The following CPPED1 variants were observed in gnomAD, a reference collection of about 807,000 sequenced individuals.
The protein encoded by CPPED1 is serine/threonine-protein phosphatase CPPED1.
A neutral mutation model predicts 28.0 loss-of-function variants in CPPED1; 28 were observed. That is an observed-to-expected ratio of 1.00 (90% confidence interval 0.74 to 1.37). The LOEUF (loss-of-function observed/expected upper bound fraction) is 1.37, where lower values mean the gene tolerates loss of function less well. Ranked by LOEUF, CPPED1 falls within the 40% of genes most tolerant of loss-of-function variation. The pLI, the probability that CPPED1 is intolerant of heterozygous loss-of-function variation, is 0.00. For missense variants in CPPED1, 504 were observed against 416.5 expected (o/e 1.21, Z -1.83); for synonymous variants, 198 against 180.2 (o/e 1.10, Z -0.79).
chr16:12,762,218 A>T (rs1381330223), intron 2 of CPPED1, among the ~76,000 whole-genome samples: 2 of 152,204 alleles, frequency 1.3e-5, no homozygotes, highest in African/African-American at 4.8e-5. Flanking sequence ...CACATTAAAA[A>T]TACTCTCTCA....
intron 2 of CPPED1, among the ~76,000 whole-genome samples, chr16:12,723,507 A>C (rs2080153278): frequency 6.6e-6 from 1 of 152,192 alleles, no homozygotes; most frequent in Non-Finnish European, 1.5e-5. Flanking sequence ...GCAGAGAGGA[A>C]GACCATGTGA....
chr16:12,803,375 A>G, intron 1 of CPPED1, among the ~76,000 whole-genome samples: 1 of 152,240 alleles, frequency 6.6e-6, no homozygotes, highest in South Asian at 2.1e-4. Flanking sequence ...TGAGGCCAAG[A>G]TGCTAATGCA....
rs1017286367 is a variant in CPPED1, at chr16:12,662,202, T to C, written c.*2684A>G. 2.0e-5 allele frequency: 3 copies of C among 152,198 alleles called. No homozygotes were observed. Among genetic ancestry groups the C allele is most frequent in the African/African-American group, 7.2e-5 (3 of 41,458 alleles). 9.4% of individuals were successfully genotyped at this position (152,198 alleles called of 1,614,324 possible). On this transcript the variant is annotated 3_prime_UTR_variant, in exon 4 of 4. Coordinates refer to ENST00000381774, the MANE Select transcript of CPPED1 (RefSeq NM_018340.3). Reference sequence around the variant, plus strand: ...AGTATAAGGCACTTATTTTTTGATATCATTCTCTTTTTTTAAAGGCAAAGG... The same window carrying C: ...AGTATAAGGCACTTATTTTTTGATACCATTCTCTTTTTTTAAAGGCAAAGG...
intron 2 of CPPED1, among the ~76,000 whole-genome samples, chr16:12,755,061 C>A (rs1164678118): frequency 6.6e-6 from 1 of 152,096 alleles, no homozygotes; most frequent in Non-Finnish European, 1.5e-5. Flanking sequence ...TGGAAAACAT[C>A]TGCTCCCAGG....
At chr16:12,786,932 G>T (rs1037722196) in intron 1 of CPPED1, among the ~76,000 whole-genome samples, 1 of 152,020 alleles carries the variant, frequency 6.6e-6, no homozygotes, top group Non-Finnish European at 1.5e-5. Context: ...AGTTAATCAG[G>T]GAATCCATTA....
At chr16:12,772,051 A>G (rs1414704618) in intron 2 of CPPED1, among the ~76,000 whole-genome samples, 1 of 152,106 alleles carries the variant, frequency 6.6e-6, no homozygotes, top group Non-Finnish European at 1.5e-5. Context: ...TGAACCCGGG[A>G]GGCGGAGGTT....
rs538448682 is a variant in CPPED1 at position 12,665,075 on chromosome 16, G to A, written c.756C>T (p.Ala252=). 3.1e-5 allele frequency: 49 copies of A among 1,606,334 alleles called. No homozygotes were observed. Among genetic ancestry groups the A allele is most frequent in the Middle Eastern group, 3.3e-4 (2 of 6,018 alleles). Residue 252 remains alanine (A), a synonymous_variant, in exon 4 of 4, where the codon GCC becomes GCT. Transcript: ENST00000381774. ...VVFSGHYHRN[A]GGTYQNLDMV... ...TGTCGAGGTTCTGGTAGGTACCCCC[G>A]GCATTCCTGTGGTAGTGGCCTGAGA...
At chr16:12,716,418 A>G (rs56085920) in intron 2 of CPPED1, among the ~76,000 whole-genome samples, 77,896 of 152,126 alleles carry the variant, frequency 0.51, 20,446 homozygotes, top group Admixed American at 0.61. Flanking sequence ...CAGATTCACT[A>G]CTGCCAAGTC....
chr16:12,739,700 G>A (rs2080244386), intron 2 of CPPED1, among the ~76,000 whole-genome samples: 1 of 152,144 alleles, frequency 6.6e-6, no homozygotes, highest in Non-Finnish European at 1.5e-5. Flanking sequence ...CTCTAGTATA[G>A]AGGATGCCAA....
chr16:12,797,918 A>G (rs2080637249), intron 1 of CPPED1, among the ~76,000 whole-genome samples: 2 of 151,816 alleles, frequency 1.3e-5, no homozygotes, highest in African/African-American at 4.8e-5. Flanking sequence ...TGTCTCTACA[A>G]AAAAATACTT....
intron 2 of CPPED1, among the ~76,000 whole-genome samples, chr16:12,721,191 C>T (rs2080137934): frequency 6.6e-6 from 1 of 152,064 alleles, no homozygotes; most frequent in Non-Finnish European, 1.5e-5. Flanking sequence ...CTATGCTTCA[C>T]TGAAAGTCCA....
chr16:12,777,024 A>G (rs2080502123), intron 2 of CPPED1, among the ~76,000 whole-genome samples: 1 of 152,212 alleles, frequency 6.6e-6, no homozygotes, highest in South Asian at 2.1e-4. Context: ...ACTCAGTCTG[A>G]AATTTGTCTT....
rs1386764402 is a variant in CPPED1, at chr16:12,710,484, C to A, written c.290-5435G>T. Among the ~76,000 whole-genome samples, 3 of 148,564 alleles carry A rather than the reference C, an allele frequency of 2.0e-5. No homozygotes were observed. The East Asian group carries it at 5.9e-4, about 29-fold the overall frequency. On this transcript the variant is annotated intron_variant, in intron 2 of 3. Transcript: ENST00000381774. ...AAAAAAAAAGGAGGGGGGGAACAGA[C>A]AAATTGGACCTCATGAAAATGCAAA...
chr16:12,721,574 G>A (rs970088365), intron 2 of CPPED1, among the ~76,000 whole-genome samples: 1 of 151,998 alleles, frequency 6.6e-6, no homozygotes, highest in African/African-American at 2.4e-5. Flanking sequence ...CCAACATGGT[G>A]AAACCTCGTC....
At chr16:12,739,454 G>A (rs745996300) in intron 2 of CPPED1, among the ~76,000 whole-genome samples, 3 of 152,140 alleles carry the variant, frequency 2.0e-5, no homozygotes, top group South Asian at 2.1e-4. Context: ...GGTGGCAGGC[G>A]CCTGTAATCC....
intron 3 of CPPED1, among the ~76,000 whole-genome samples, chr16:12,673,878 C>T (rs958881530): frequency 2.0e-5 from 3 of 152,014 alleles, no homozygotes; most frequent in African/African-American, 7.2e-5. Context: ...AAGACCCTGT[C>T]TCTACAAAAA....
At chr16:12,696,438 CTTTTTTTTTTTTTTT>C (rs1180336228) in intron 3 of CPPED1, among the ~76,000 whole-genome samples, 1 of 120,736 alleles carries the variant, frequency 8.3e-6, no homozygotes, top group African/African-American at 3.5e-5. Context: ...AAGTGACTTT[CTTTTTTTTTTTTTTT>C]TTTTTGAGAT....
In CPPED1 at chr16:12,664,843, A is replaced by G. The variant is rs1297861528; in HGVS notation, c.*43T>C. ...GCAGCTGCTGTTTCTGGCAAAATAA[A>G]AAAATAGTGCAAGTGAAAAGTGAAC... On this transcript the variant is annotated 3_prime_UTR_variant, in exon 4 of 4. Transcript: ENST00000381774. The surrounding 1 kb of genome is among the most constrained non-coding windows in gnomAD (Gnocchi z 4.2). 11 of 1,606,630 alleles carry G rather than the reference A, an allele frequency of 6.8e-6. No homozygotes were observed. The South Asian group carries it at 1.2e-4, about 18-fold the overall frequency.
chr16:12,732,618 A>T (rs932259220), intron 2 of CPPED1, among the ~76,000 whole-genome samples: 2 of 152,136 alleles, frequency 1.3e-5, no homozygotes, highest in Admixed American at 6.6e-5. Context: ...TTATTGTAGA[A>T]CCCTGGATGC....
Sources: gnomAD v4.1 joint callset for allele counts (sites outside exome capture counted in the v4.1 genomes callset) on GRCh38, gnomAD v4.1.1 for gene constraint, Gnocchi (gnomAD v3.1) non-coding constraint, MANE v1.5 for transcripts, NCBI Gene and HGNC (gene_info 2026-07-23, HGNC 2026-07-21) for gene names.